SLC26A1: variants seen among roughly 807,000 people sequenced by gnomAD.
The protein encoded by SLC26A1 is solute carrier family 26 member 1, also known as sulfate anion transporter 1.
In SLC26A1, 18 loss-of-function variants were observed where a neutral mutation model predicts 14.5. That is an observed-to-expected ratio of 1.24 (90% CI 0.86 to 1.84). The LOEUF is 1.84. Among genes scored for constraint, SLC26A1 ranks in the 40% most tolerant of loss-of-function variants. The pLI is 0.00. For synonymous variants in SLC26A1, 505 were observed against 492.0 expected, an observed-to-expected ratio of 1.03 and a Z score of -0.35; for missense variants, 1,049 against 1,020.0, an observed-to-expected ratio of 1.03 and a Z score of -0.39.
At chr4:987,064 A>T, downstream of SLC26A1, 3 of 1,505,464 alleles carry the variant, frequency 2.0e-6, no homozygotes, top group Non-Finnish European at 2.6e-6. Flanking sequence ...GAAGCCCCGC[A>T]GTCCCCGAGC....
chr4:985,556 A>T (rs1262893903), downstream of SLC26A1, among the ~76,000 whole-genome samples: 2 of 151,902 alleles, frequency 1.3e-5, no homozygotes, highest in African/African-American at 4.8e-5. Flanking sequence ...GTTATCCATC[A>T]TTTTAGTTGT....
chr4:988,683 T>G lies in SLC26A1; in HGVS notation c.*150A>C. The stretch of plus-strand genomic sequence containing the variant: ...GTGATCAGAGGGCCTCCTTTCCCAG[T>G]TGGGGTTCCCCGGTTTCCCCAGGGC... On this transcript the variant is annotated 3_prime_UTR_variant, in exon 3 of 3. Transcript: ENST00000398516. 1 of 1,414,830 alleles carries G rather than the reference T, an allele frequency of 7.1e-7. No individual in the cohort carries two copies. The allele number at this position is 1,414,830 out of a possible 1,614,324, so 87.6% of individuals were successfully genotyped here.
rs1326718965 is a variant in SLC26A1, at chr4:989,871, G to A, written c.1068C>T (p.Ser356=). The A allele has an allele frequency of 1.3e-6, 2 of 1,574,640 alleles. No homozygotes were observed. Among genetic ancestry groups the A allele is most frequent in the South Asian group, 2.3e-5 (2 of 85,996 alleles). The change falls in exon 3 of 3, where the codon TCC becomes TCT. Residue 356 remains serine (S), a synonymous_variant. Coordinates refer to ENST00000398516, the MANE Select transcript of SLC26A1 (RefSeq NM_022042.4). ...GGGCGAACATCTCCGCCAGCGAGAT[G>A]GAGAAGGCGGCAGCCACGAGGGCCA... ...VALALVAAAF[S]ISLAEMFARS...
At position 987,911 on chromosome 4, in the gene SLC26A1, G is replaced by T; in HGVS notation, c.*922C>A. ...CCGTCCCTCACCGCGGCATCAAGCA[G>T]GTCCGGACCCACTGGCTGCTGGAGC... On this transcript the variant is annotated 3_prime_UTR_variant, in exon 3 of 3. Transcript: ENST00000398516. 1 of 1,604,792 alleles carries T rather than the reference G, an allele frequency of 6.2e-7. No individual in the cohort carries two copies. The highest frequency in any genetic ancestry group is 8.5e-7 in the Non-Finnish European group (1 of 1,176,330).
chr4:990,665 A>T, intron 2 of SLC26A1: 1 of 460,516 alleles, frequency 2.2e-6, no homozygotes, highest in Non-Finnish European at 3.9e-6. Flanking sequence ...GACCTCTGGT[A>T]TCAGAAGGCA....
chr4:989,180 G>A lies in SLC26A1; in HGVS notation c.1759C>T (p.Pro587Ser). Residue 587 changes from proline (P) to serine (S), a missense_variant, in exon 3 of 3, where the codon CCT (proline) becomes TCT (serine). Pro to Ser is a moderately conservative substitution (Grantham distance 74). Coordinates refer to ENST00000398516, the MANE Select transcript of SLC26A1 (RefSeq NM_022042.4). ...GGGCCCAGGTCCTCGCCCTGGGCAG[G>A]GCCTCCCTCACCGACCCCCGTCTCT... Reference protein sequence around the residue: ...GSETGVGEGGPAQGEDLGPVS... With the variant: ...GSETGVGEGGSAQGEDLGPVS... 1 of 1,607,724 alleles carries A rather than the reference G, an allele frequency of 6.2e-7. No homozygotes were observed. Among genetic ancestry groups the A allele is most frequent in the South Asian group, 1.1e-5 (1 of 90,682 alleles).
In SLC26A1 at chr4:991,532, G is replaced by T; in HGVS notation, c.172C>A (p.Arg58Ser). The change falls in exon 2 of 3, where the codon CGC becomes AGC. Residue 58 changes from arginine (R) to serine (S), a missense_variant. Physicochemically the swap from Arg to Ser is moderately radical, Grantham distance 110. Transcript: ENST00000398516. ...ALVQDLLPAT[R>S]WLRQYRPREY... The stretch of plus-strand genomic sequence containing the variant: ...CGCGGGCGGTACTGACGCAGCCAGC[G>T]CGTGGCGGGGAGCAGGTCCTGCACC... 6.8e-6 allele frequency: 11 copies of T among 1,606,290 alleles called. No individual in the cohort carries two copies. The highest frequency in any genetic ancestry group is 9.4e-6 in the Non-Finnish European group (11 of 1,176,196).
intron 2 of SLC26A1, among the ~76,000 whole-genome samples, chr4:981,000 G>A (rs1035021701): frequency 1.1e-4 from 17 of 152,220 alleles, no homozygotes; most frequent in African/African-American, 3.1e-4. Flanking sequence ...CCCTTAGGCC[G>A]CACACCCTGA....
chr4:986,889 G>A (rs770209088), downstream of SLC26A1: 7 of 664,248 alleles, frequency 1.1e-5, no homozygotes, highest in South Asian at 9.0e-5. Context: ...GCAAGGAAGC[G>A]GGGCTCCAAG....
rs1713945993 is a variant in SLC26A1 at position 988,675 on chromosome 4, T to C, written c.*158A>G. ...TCCTGCGTGTGATCAGAGGGCCTCC[T>C]TTCCCAGTTGGGGTTCCCCGGTTTC... On this transcript the variant is annotated 3_prime_UTR_variant, in exon 3 of 3. Transcript: ENST00000398516. The C allele has an allele frequency of 7.1e-7, 1 of 1,414,714 alleles. No individual in the cohort carries two copies. The highest frequency in any genetic ancestry group is 9.2e-7 in the Non-Finnish European group (1 of 1,089,822). The allele number at this position is 1,414,714 out of a possible 1,614,324, so 87.6% of individuals were successfully genotyped here.
chr4:986,857 C>T (rs1049640973), downstream of SLC26A1: 3 of 649,062 alleles, frequency 4.6e-6, no homozygotes, highest in Non-Finnish European at 8.5e-6. Context: ...GTCATCGGTC[C>T]TCAGAGCAGC....
chr4:987,210 C>A, downstream of SLC26A1: 1 of 1,492,372 alleles, frequency 6.7e-7, no homozygotes, highest in South Asian at 1.3e-5. Flanking sequence ...CGCTGTGGCC[C>A]CTGCGGCGCT....
chr4:984,556 C>T (rs117496823), downstream of SLC26A1, among the ~76,000 whole-genome samples: 105 of 152,318 alleles, frequency 6.9e-4, 1 homozygote, highest in East Asian at 0.016. Context: ...TTTGACCCAG[C>T]GCGGTGGCTC....
chr4:979,390 G>A (rs377632132), exon 3 of SLC26A1: 8 of 1,390,610 alleles, frequency 5.8e-6, no homozygotes, highest in East Asian at 2.3e-5. Flanking sequence ...CGTTGATGTC[G>A]GCATTTCCTG....
chr4:992,548 C>G lies in SLC26A1; in HGVS notation c.-28+753G>C, dbSNP rs1714448905. 2.0e-5 allele frequency among the ~76,000 whole-genome samples: 3 copies of G among 152,248 alleles called. No individual in the cohort carries two copies. In the South Asian group the frequency reaches 6.2e-4, roughly 31 times the overall value. On this transcript the variant is annotated intron_variant, in intron 1 of 2. Transcript: ENST00000398516. ...GCCAGCTGGGAGGGGAGGAGGGTGA[C>G]TGGCGTCTGTCTCCCCTGCCCAGAC...
In SLC26A1 at chr4:991,458, G is replaced by T; in HGVS notation, c.246C>A (p.Ile82=). The T allele has an allele frequency of 6.2e-7, 1 of 1,612,644 alleles. No homozygotes were observed. The highest frequency in any genetic ancestry group is 1.3e-5 in the African/African-American group (1 of 75,060). The part of the protein sequence containing the change: ...DVMSGLVIGI[I]LVPQAIAYSL... The stretch of plus-strand genomic sequence containing the variant: ...AGTAGGCGATGGCCTGCGGCACCAG[G>T]ATGATGCCGATGACCAGCCCAGACA... The change falls in exon 2 of 3, where the codon ATC becomes ATA. Residue 82 remains isoleucine (I), a synonymous_variant. Coordinates refer to ENST00000398516, the MANE Select transcript of SLC26A1 (RefSeq NM_022042.4).
downstream of SLC26A1, chr4:986,810 C>A: frequency 1.6e-6 from 1 of 606,908 alleles, no homozygotes. Context: ...ACTCACATAG[C>A]ACCAACGGGC....
Position 989,296 on chromosome 4 carries a change from T to C in SLC26A1, c.1643A>G (p.Tyr548Cys), listed in dbSNP as rs765601257. 2 of 1,612,488 alleles carry C rather than the reference T, an allele frequency of 1.2e-6. No individual in the cohort carries two copies. The highest frequency in any genetic ancestry group is 1.7e-6 in the Non-Finnish European group (2 of 1,179,790). Residue 548 changes from tyrosine (Y) to cysteine (C), a missense_variant, in exon 3 of 3, where the codon TAT becomes TGT. By Grantham distance (194) the Tyr-to-Cys change is radical. Coordinates refer to ENST00000398516, the MANE Select transcript of SLC26A1 (RefSeq NM_022042.4). ...CTGCAGGAAGAAGTCCTTGTTGGCA[T>C]AGTACAGCGGCCCCCCAAAGCGGAA... ...RVFRFGGPLY[Y>C]ANKDFFLQSL... is the part of the protein sequence containing the mutation.
intron 2 of SLC26A1, among the ~76,000 whole-genome samples, chr4:981,124 C>T (rs1038607271): frequency 2.0e-5 from 3 of 152,230 alleles, no homozygotes; most frequent in African/African-American, 7.2e-5. Context: ...ACCTGGAAGC[C>T]GCAGTTCACC....
Sources: gnomAD v4.1 joint callset for allele counts (sites outside exome capture counted in the v4.1 genomes callset) on GRCh38, gnomAD v4.1.1 for gene constraint, MANE v1.5 for transcripts, NCBI Gene and HGNC (gene_info 2026-07-23, HGNC 2026-07-21) for gene names.